The following BEST4 variants were observed in gnomAD, a reference collection of about 807,000 sequenced individuals.
BEST4 encodes the protein bestrophin-4.
BEST4 carries 36 observed loss-of-function variants against 47.1 expected under a neutral mutation model. That is an observed-to-expected ratio of 0.76 (90% confidence interval 0.59 to 1.01). The LOEUF (loss-of-function observed/expected upper bound fraction) is 1.01, where lower values mean the gene tolerates loss of function less well. Ranked by LOEUF, BEST4 falls within the 50% of genes least tolerant of loss-of-function variation. BEST4 has a pLI of 0.00. For missense variants in BEST4, 550 were observed against 648.6 expected, an observed-to-expected ratio of 0.85 and a Z score of 1.65; for synonymous variants, 250 against 277.8, an observed-to-expected ratio of 0.90 and a Z score of 1.00.
chr1:44,786,516 ACCGAGCGCAG>A lies in BEST4; in HGVS notation c.418_427del (p.Leu140SerfsTer32), dbSNP rs1203829609. Reference sequence around the variant, plus strand: ...GAAGCGCTTAAGCACGCGGGTGCTGACCGAGCGCAGCACCAGCACGGACGCCAGGTTCGCG... The same window carrying A: ...GAAGCGCTTAAGCACGCGGGTGCTGACACCAGCACGGACGCCAGGTTCGCG... On this transcript the variant is annotated frameshift_variant, in exon 3 of 9. Transcript: ENST00000372207. LOFTEE classifies it high-confidence loss of function. The surrounding 1 kb of genome is among the most constrained non-coding windows in gnomAD (Gnocchi z 4.9). 2.6e-6 allele frequency: 4 copies of A among 1,548,102 alleles called. No individual in the cohort carries two copies. The highest frequency in any genetic ancestry group is 1.4e-5 in the African/African-American group (1 of 73,118).
chr1:44,791,228 G>GT (rs1651403962), upstream of BEST4, among the ~76,000 whole-genome samples: 2 of 110,870 alleles, frequency 1.8e-5, no homozygotes, highest in East Asian at 2.8e-4. Context: ...GAGAGAGAGA[G>GT]AGTATGTGTG....
Position 44,786,602 on chromosome 1 carries a change from C to T in BEST4, c.342G>A (p.Val114=). Residue 114 remains valine (V), a synonymous_variant, in exon 3 of 9, where the codon GTG becomes GTA. Coordinates refer to ENST00000372207, the MANE Select transcript of BEST4 (RefSeq NM_153274.3). This position sits in a 1 kb window ranked among gnomAD's most constrained non-coding sequence, Gnocchi z 4.9. ...GGCGGCCCCGCTGGTCCACGCCGTG[C>T]ACGCTAGCCGAGATGACGCACATCA... ...DQLMCVISAS[V]HGVDQRGRLL... 1 of 1,551,106 alleles carries T rather than the reference C, an allele frequency of 6.4e-7. No homozygotes were observed. Among genetic ancestry groups the T allele is most frequent in the Non-Finnish European group, 8.7e-7 (1 of 1,146,990 alleles).
upstream of BEST4, among the ~76,000 whole-genome samples, chr1:44,788,935 T>A (rs1465218020): frequency 6.6e-6 from 1 of 152,122 alleles, no homozygotes; most frequent in African/African-American, 2.4e-5. Flanking sequence ...CTGGAGGAAG[T>A]AATACCTAAG....
Position 44,785,696 on chromosome 1 carries a change from A to G in BEST4, c.637-20T>C. 6.5e-7 allele frequency: 1 copy of G among 1,548,864 alleles called. No individual in the cohort carries two copies. Among genetic ancestry groups the G allele is most frequent in the Non-Finnish European group, 8.7e-7 (1 of 1,144,224 alleles). On this transcript the variant is annotated intron_variant, in intron 4 of 8. Coordinates refer to ENST00000372207, the MANE Select transcript of BEST4 (RefSeq NM_153274.3). ...CAGCTCCTGGGGGAACAGCAGGAAC[A>G]GGAAGTCAGCAGAGGTGAGGAAGGA...
At chr1:44,791,028 C>T (rs892913640), upstream of BEST4, among the ~76,000 whole-genome samples, 1 of 152,018 alleles carries the variant, frequency 6.6e-6, no homozygotes, top group Admixed American at 6.6e-5. Context: ...CCCTCCACCC[C>T]CTCTTTTGTT....
rs753113343 is a variant in BEST4, at chr1:44,787,530, C to T, written c.152+24G>A. 8 of 1,614,142 alleles carry T rather than the reference C, an allele frequency of 5.0e-6. No individual in the cohort carries two copies. The South Asian group carries it at 8.8e-5, about 18-fold the overall frequency. The stretch of plus-strand genomic sequence containing the variant: ...GGGTGGCCCAGTCTCCCCACTTGCG[C>T]CAGCTCTAAGACCCTGCCCTTACCG... On this transcript the variant is annotated intron_variant, in intron 1 of 8. Coordinates refer to ENST00000372207, the MANE Select transcript of BEST4 (RefSeq NM_153274.3).
At chr1:44,787,348 G>A (rs1453162675) in intron 2 of BEST4, 24 bp downstream of exon 2, 1 of 1,612,718 alleles carries the variant, frequency 6.2e-7, no homozygotes, top group East Asian at 2.2e-5. Flanking sequence ...GGGGGACACA[G>A]GGAAAACTAG....
At chr1:44,790,370 T>A (rs530011545), upstream of BEST4, among the ~76,000 whole-genome samples, 15 of 152,048 alleles carry the variant, frequency 9.9e-5, 1 homozygote, top group Admixed American at 3.3e-4. Flanking sequence ...TCATATAAAA[T>A]TTTTTTTTAA....
rs1347507906 is a variant in BEST4, at chr1:44,784,995, G to T, written c.913-10C>A. The T allele has an allele frequency of 6.2e-7, 1 of 1,613,716 alleles. No individual in the cohort carries two copies. Among genetic ancestry groups the T allele is most frequent in the Admixed American group, 1.7e-5 (1 of 59,944 alleles). Reference sequence around the variant, plus strand: ...TGATCTGTTCAGCCACCTATAGGTGGCAGAGACAGGGTTTTCTGGGTTCAG... The same window carrying T: ...TGATCTGTTCAGCCACCTATAGGTGTCAGAGACAGGGTTTTCTGGGTTCAG... On this transcript the variant is annotated splice_polypyrimidine_tract_variant and intron_variant, in intron 6 of 8. Transcript: ENST00000372207. The surrounding 1 kb of genome is among the most constrained non-coding windows in gnomAD (Gnocchi z 6.2).
chr1:44,789,699 A>AAAAAAG (rs1247526409), upstream of BEST4, among the ~76,000 whole-genome samples: 1 of 152,212 alleles, frequency 6.6e-6, no homozygotes, highest in Non-Finnish European at 1.5e-5. Flanking sequence ...ACTTTGTCTC[A>AAAAAAG]AAAAAGAAAA....
In BEST4 at chr1:44,784,265, G is replaced by A; in HGVS notation, c.1367C>T (p.Ala456Val). ...CGCCGATTCCTCCTCGATGCGGGCT[G>A]CGGCCTCGGGGTCGCCGCCCTCCTC... ...RAEEGGDPEA[A>V]ARIEEESAES... The change falls in exon 9 of 9, where the codon GCA becomes GTA. Residue 456 changes from alanine (A) to valine (V), a missense_variant. Coordinates refer to ENST00000372207, the MANE Select transcript of BEST4 (RefSeq NM_153274.3). This position sits in a 1 kb window ranked among gnomAD's most constrained non-coding sequence, Gnocchi z 6.2. 1 of 1,449,396 alleles carries A rather than the reference G, an allele frequency of 6.9e-7. No homozygotes were observed. The highest frequency in any genetic ancestry group is 9.0e-7 in the Non-Finnish European group (1 of 1,110,216). 89.8% of individuals were successfully genotyped at this position (1,449,396 alleles called of 1,614,324 possible).
Position 44,786,583 on chromosome 1 carries a change from C to T in BEST4, c.361G>A (p.Gly121Ser). The T allele has an allele frequency of 6.4e-7, 1 of 1,550,524 alleles. No individual in the cohort carries two copies. The highest frequency in any genetic ancestry group is 8.7e-7 in the Non-Finnish European group (1 of 1,146,958). The change falls in exon 3 of 9, where the codon GGC becomes AGC. Residue 121 changes from glycine (G) to serine (S), a missense_variant. Around this residue, in one of 3 missense-constraint regions of BEST4, gnomAD observed 291 missense variants for 342.4 expected, o/e 0.85. Coordinates refer to ENST00000372207, the MANE Select transcript of BEST4 (RefSeq NM_153274.3). The surrounding 1 kb of genome is among the most constrained non-coding windows in gnomAD (Gnocchi z 4.9). ...ATGAGGGTGCGGCGCAGCAGGCGGC[C>T]CCGCTGGTCCACGCCGTGCACGCTA... ...SASVHGVDQR[G>S]RLLRRTLIRY...
In BEST4 at chr1:44,784,567, C is replaced by A. The variant is rs1049253156; in HGVS notation, c.1148+62G>T. On this transcript the variant is annotated intron_variant, in intron 8 of 8. Coordinates refer to ENST00000372207, the MANE Select transcript of BEST4 (RefSeq NM_153274.3). The surrounding 1 kb of genome is among the most constrained non-coding windows in gnomAD (Gnocchi z 6.2). ...GGCTCTCGGGGAAGGACCGAGGCAT[C>A]GGTGCCCCAGAGGCTGAGCGAGGAC... The A allele has an allele frequency of 5.1e-6, 8 of 1,553,704 alleles. No individual in the cohort carries two copies. Among genetic ancestry groups the A allele is most frequent in the Non-Finnish European group, 6.9e-6 (8 of 1,151,534 alleles).
chr1:44,788,106 C>G lies in BEST4; in HGVS notation c.-401G>C, dbSNP rs1557614719. On this transcript the variant is annotated 5_prime_UTR_variant, in exon 1 of 9. Transcript: ENST00000372207. ...TAACTAGAACTACCAGGGCCCAGGG[C>G]ACTCTCACCCCCATCCCATACCTGC... 6.6e-6 allele frequency among the ~76,000 whole-genome samples: 1 copy of G among 152,208 alleles called. No homozygotes were observed. The highest frequency in any genetic ancestry group is 1.5e-5 in the Non-Finnish European group (1 of 68,030).
intron 1 of BEST4, 31 bp from the exon 2 acceptor site, chr1:44,787,497 A>C (rs1454379801): frequency 6.2e-7 from 1 of 1,613,964 alleles, no homozygotes; most frequent in African/African-American, 1.3e-5. Context: ...CTTGGGTTAG[A>C]GGGAGGTGGG....
chr1:44,783,095 C>T (rs2148845656), downstream of BEST4, among the ~76,000 whole-genome samples: 1 of 152,246 alleles, frequency 6.6e-6, no homozygotes, highest in Non-Finnish European at 1.5e-5. Flanking sequence ...GCTGGGATTA[C>T]AGGCATCCAC....
chr1:44,788,119 A>T lies in BEST4; in HGVS notation c.-414T>A, dbSNP rs982782702. On this transcript the variant is annotated 5_prime_UTR_variant, in exon 1 of 9. An upstream start codon of the reference 5' UTR is lost. Coordinates refer to ENST00000372207, the MANE Select transcript of BEST4 (RefSeq NM_153274.3). The stretch of plus-strand genomic sequence containing the variant: ...CAGGGCCCAGGGCACTCTCACCCCC[A>T]TCCCATACCTGCCTACCTGCTCTGG... Among the ~76,000 whole-genome samples the T allele has an allele frequency of 6.6e-6, 1 of 152,166 alleles. No individual in the cohort carries two copies. The highest frequency in any genetic ancestry group is 2.4e-5 in the African/African-American group (1 of 41,444).
In BEST4 at chr1:44,786,037, G is replaced by A. The variant is rs1229577932; in HGVS notation, c.636+37C>T. Reference sequence around the variant, plus strand: ...TATTATTCATCTTTAAAATTAGAGGGAGGAGGGCAGATGGGTCTGGTCCTG... The same window carrying A: ...TATTATTCATCTTTAAAATTAGAGGAAGGAGGGCAGATGGGTCTGGTCCTG... On this transcript the variant is annotated intron_variant, in intron 4 of 8. Transcript: ENST00000372207. This position sits in a 1 kb window ranked among gnomAD's most constrained non-coding sequence, Gnocchi z 4.9. 6 of 1,550,946 alleles carry A rather than the reference G, an allele frequency of 3.9e-6. No individual in the cohort carries two copies. The African/African-American group carries it at 8.3e-5, about 22-fold the overall frequency.
At chr1:44,788,600 T>C (rs1195595696), upstream of BEST4, among the ~76,000 whole-genome samples, 2 of 152,216 alleles carry the variant, frequency 1.3e-5, no homozygotes, top group Non-Finnish European at 2.9e-5. Flanking sequence ...CAGATGAGGC[T>C]CCAAGAGGTA....
Sources: allele counts gnomAD v4.1 joint callset (sites outside exome capture counted in the v4.1 genomes callset), GRCh38; gene constraint gnomAD v4.1.1; regional missense constraint gnomAD v4.1.1; non-coding constraint Gnocchi (gnomAD v3.1); transcripts MANE v1.5; gene names NCBI Gene and HGNC (gene_info 2026-07-23, HGNC 2026-07-21).